The following DCPH1 variants were observed in gnomAD, a reference collection of about 807,000 sequenced individuals.
DCPH1 encodes the protein damage control phosphatase 1, also known as damage-control phosphatase 1.
the DCPH1 span, chr6:151,469,326 T>C: frequency 3.0e-5 from 12 of 402,338 alleles, no homozygotes; most frequent in East Asian, 4.4e-4. Context: ...AAGTTAAAGA[T>C]ATTTACATTT....
chr6:151,468,846 T>C, the DCPH1 span: 1 of 1,614,156 alleles, frequency 6.2e-7, no homozygotes, highest in Non-Finnish European at 8.5e-7. Context: ...ACTTATATGC[T>C]GAACTACAGA....
the DCPH1 span, chr6:151,452,753 G>T: frequency 1.6e-6 from 1 of 629,192 alleles, no homozygotes; most frequent in Non-Finnish European, 2.6e-6. Context: ...TGGCTCGGAG[G>T]CGAAGGGAGG....
chr6:151,469,237 G>A, the DCPH1 span: 451 of 694,632 alleles, frequency 6.5e-4, 1 homozygote, highest in Non-Finnish European at 4.2e-4. Flanking sequence ...GCTTCTTGGT[G>A]CCCATCTACG....
chr6:151,452,844 G>A, the DCPH1 span: 2 of 427,194 alleles, frequency 4.7e-6, no homozygotes, highest in East Asian at 3.9e-5. Context: ...TGTTCCTGGC[G>A]GTCACTTTTT....
At chr6:151,452,722 G>A in the DCPH1 span, 2 of 896,376 alleles carry the variant, frequency 2.2e-6, no homozygotes, top group Non-Finnish European at 3.3e-6. Flanking sequence ...TTTCCGGGGC[G>A]CCTTTGCGGG....
the DCPH1 span, among the ~76,000 whole-genome samples, chr6:151,458,151 G>A: frequency 3.3e-5 from 5 of 152,090 alleles, no homozygotes; most frequent in African/African-American, 1.2e-4. Context: ...ATGTTCATAT[G>A]AGATCTGTGT....
chr6:151,466,695 C>T, the DCPH1 span, among the ~76,000 whole-genome samples: 5 of 152,286 alleles, frequency 3.3e-5, no homozygotes, highest in East Asian at 1.9e-4. Context: ...CAGGCTGATC[C>T]TCCCTATCAA....
chr6:151,464,521 C>T, the DCPH1 span: 1 of 1,610,086 alleles, frequency 6.2e-7, no homozygotes, highest in African/African-American at 1.3e-5. Flanking sequence ...TCACAGGAAT[C>T]CATCATTGCT....
chr6:151,468,426 G>T, the DCPH1 span: 2 of 1,608,134 alleles, frequency 1.2e-6, no homozygotes, highest in Non-Finnish European at 8.5e-7. Flanking sequence ...TAAATTCATT[G>T]GAAGACCTAA....
At chr6:151,469,216 A>G in the DCPH1 span, 3 of 901,940 alleles carry the variant, frequency 3.3e-6, no homozygotes, top group Admixed American at 9.4e-5. Flanking sequence ...GTACGCGCTC[A>G]GGGAAGCTTA....
the DCPH1 span, among the ~76,000 whole-genome samples, chr6:151,456,013 C>G: frequency 6.7e-6 from 1 of 149,126 alleles, no homozygotes; most frequent in Admixed American, 6.7e-5. Flanking sequence ...CATTTAACTC[C>G]GAGTTGACAC....
At chr6:151,460,661 G>A in the DCPH1 span, among the ~76,000 whole-genome samples, 4 of 151,772 alleles carry the variant, frequency 2.6e-5, no homozygotes, top group East Asian at 7.8e-4. Flanking sequence ...GTGCGCACCT[G>A]TAGTCCCAGC....
At chr6:151,467,590 C>G in the DCPH1 span, among the ~76,000 whole-genome samples, 1,818 of 152,108 alleles carry the variant, frequency 0.012, 26 homozygotes, top group African/African-American at 0.042. Context: ...TTTTCAGTTG[C>G]AGGACTTGAG....
chr6:151,455,250 C>T, the DCPH1 span, among the ~76,000 whole-genome samples: 4 of 151,996 alleles, frequency 2.6e-5, no homozygotes, highest in Admixed American at 6.6e-5. Flanking sequence ...GGGTGTTTCT[C>T]GTAAGGTGGA....
At chr6:151,461,408 C>T in the DCPH1 span, among the ~76,000 whole-genome samples, 2 of 152,218 alleles carry the variant, frequency 1.3e-5, no homozygotes, top group South Asian at 2.1e-4. Flanking sequence ...CAGTGGCTTA[C>T]GCCTGTGATC....
At chr6:151,469,327 A>G in the DCPH1 span, 12 of 401,114 alleles carry the variant, frequency 3.0e-5, no homozygotes, top group Non-Finnish European at 5.2e-5. Context: ...AGTTAAAGAT[A>G]TTTACATTTA....
the DCPH1 span, among the ~76,000 whole-genome samples, chr6:151,459,348 A>T: frequency 6.6e-6 from 1 of 152,234 alleles, no homozygotes; most frequent in African/African-American, 2.4e-5. Flanking sequence ...GAGAACAGTG[A>T]ATCATACTAT....
At chr6:151,466,534 T>A in the DCPH1 span, among the ~76,000 whole-genome samples, 9 of 152,312 alleles carry the variant, frequency 5.9e-5, no homozygotes, top group East Asian at 1.5e-3. Context: ...CAGGTTAACG[T>A]TTCAAGGGAA....
chr6:151,468,941 A>C, the DCPH1 span: 1 of 1,614,094 alleles, frequency 6.2e-7, no homozygotes, highest in African/African-American at 1.3e-5. Context: ...GTTCCATTTC[A>C]TCAGGCTCTG....
Sources: gnomAD v4.1 joint callset for allele counts (sites outside exome capture counted in the v4.1 genomes callset) on GRCh38, gnomAD v4.1.1 for gene constraint, MANE v1.5 for transcripts, NCBI Gene and HGNC (gene_info 2026-07-23, HGNC 2026-07-21) for gene names.